The following PIK3C2G variants were observed in gnomAD, a reference collection of about 807,000 sequenced individuals.
The protein encoded by PIK3C2G is phosphatidylinositol-4-phosphate 3-kinase catalytic subunit type 2 gamma.
Under a neutral mutation model 181.1 loss-of-function variants are expected in PIK3C2G, and 168 were observed. The observed-to-expected ratio is 0.93, with a 90% confidence interval of 0.82 to 1.05. The LOEUF (loss-of-function observed/expected upper bound fraction) is 1.05. PIK3C2G is among the 50% of genes least tolerant of loss of function. The pLI is 0.00. For synonymous variants in PIK3C2G, 573 were observed against 592.2 expected (o/e 0.97, Z 0.47); for missense variants, 1,869 against 1,732.8 (o/e 1.08, Z -1.40).
intron 29 of PIK3C2G, among the ~76,000 whole-genome samples, chr12:18,568,748 A>C (rs2136362260): frequency 6.6e-6 from 1 of 152,344 alleles, no homozygotes; most frequent in South Asian, 2.1e-4. Context: ...ACTGTGACCC[A>C]GCCAAGTTGA....
chr12:18,675,907 T>C, the PIK3C2G span, among the ~76,000 whole-genome samples: 1 of 152,182 alleles, frequency 6.6e-6, no homozygotes, highest in East Asian at 1.9e-4. Context: ...TTTTACTTTT[T>C]GGGTACAATG....
intron 24 of PIK3C2G, among the ~76,000 whole-genome samples, chr12:18,509,890 A>C (rs367859061): frequency 6.6e-6 from 1 of 152,202 alleles, no homozygotes. Flanking sequence ...AAATTTGGCT[A>C]ATCTTTATAA....
chr12:18,566,994 A>G lies in PIK3C2G; in HGVS notation c.3948A>G (p.Arg1316=). ...TACCTTTTACAAATTCAGATCACAG[A>G]AGATTCAGAGATCTAAATCATTACA... is the stretch of plus-strand genomic sequence containing the variant. The part of the protein sequence containing the change: ...WHLPFTNSDH[R]RFRDLNHYME... The change falls in exon 29 of 33, where the codon AGA becomes AGG. Residue 1316 remains arginine, a synonymous_variant. Transcript: ENST00000538779. 1 of 1,600,768 alleles carries G rather than the reference A, an allele frequency of 6.2e-7. No individual in the cohort carries two copies. Among genetic ancestry groups the G allele is most frequent in the Non-Finnish European group, 8.6e-7 (1 of 1,168,474 alleles).
At chr12:18,658,656 G>C in the PIK3C2G span, among the ~76,000 whole-genome samples, 6 of 152,150 alleles carry the variant, frequency 3.9e-5, no homozygotes, top group African/African-American at 1.4e-4. Context: ...TAAAGTACCA[G>C]TTTTACATAT....
chr12:18,261,081 C>T (rs1303999136), upstream of PIK3C2G, among the ~76,000 whole-genome samples: 1 of 152,036 alleles, frequency 6.6e-6, no homozygotes, highest in African/African-American at 2.4e-5. Flanking sequence ...GAAAATACCT[C>T]GATAGGTGAA....
chr12:18,279,489 C>G (rs1565546953), intron 1 of PIK3C2G, among the ~76,000 whole-genome samples: 1 of 151,840 alleles, frequency 6.6e-6, no homozygotes, highest in Non-Finnish European at 1.5e-5. Context: ...TAAAAAAACT[C>G]AAGGTTTTGA....
At chr12:18,497,889 T>A (rs1280072338) in intron 22 of PIK3C2G, 141 bp downstream of exon 22, 2 of 507,562 alleles carry the variant, frequency 3.9e-6, no homozygotes, top group East Asian at 3.4e-5. Context: ...CTTCTTTTTT[T>A]AAAGAATTAT....
At chr12:18,561,719 C>T (rs1364862314) in intron 26 of PIK3C2G, among the ~76,000 whole-genome samples, 1 of 151,462 alleles carries the variant, frequency 6.6e-6, no homozygotes, top group Non-Finnish European at 1.5e-5. Context: ...TAAATTATTA[C>T]ACCATTAGAA....
At chr12:18,251,433 A>G (rs1197762747) in intron 1 of PIK3C2G, among the ~76,000 whole-genome samples, 1 of 151,976 alleles carries the variant, frequency 6.6e-6, no homozygotes, top group East Asian at 1.9e-4. Flanking sequence ...ATGCATCTCT[A>G]GTAAAACTCT....
chr12:18,411,846 G>A (rs1170974643), intron 16 of PIK3C2G, among the ~76,000 whole-genome samples: 1 of 151,864 alleles, frequency 6.6e-6, no homozygotes, highest in Non-Finnish European at 1.5e-5. Context: ...TTGTTACATC[G>A]CATTTGGCTT....
the PIK3C2G span, among the ~76,000 whole-genome samples, chr12:18,704,970 T>G: frequency 2.0e-5 from 3 of 152,112 alleles, no homozygotes; most frequent in African/African-American, 7.2e-5. Flanking sequence ...TATATATATA[T>G]AAATTTTAAT....
At position 18,465,722 on chromosome 12, in the gene PIK3C2G, G is replaced by C. The variant is rs147021201; in HGVS notation, c.2505-22727G>C. ...TTCTGGCCATTTTTAAGACTTCTTTGTGTCTAGATGTGTTTGAATGTCAAC... is the reference window on the plus strand; with the variant it reads ...TTCTGGCCATTTTTAAGACTTCTTTCTGTCTAGATGTGTTTGAATGTCAAC... On this transcript the variant is annotated intron_variant, in intron 18 of 32. Coordinates refer to ENST00000538779, the MANE Select transcript of PIK3C2G (RefSeq NM_001288772.2). Among the ~76,000 whole-genome samples, 27 of 151,810 alleles carry C rather than the reference G, an allele frequency of 1.8e-4. No homozygotes were observed. The East Asian group carries it at 4.6e-3, about 26-fold the overall frequency.
At chr12:18,322,579 C>A (rs918703907) in intron 7 of PIK3C2G, among the ~76,000 whole-genome samples, 5 of 151,972 alleles carry the variant, frequency 3.3e-5, no homozygotes, top group African/African-American at 1.2e-4. Context: ...TGTTTCAAAA[C>A]TAAAGAAACT....
intron 1 of PIK3C2G, among the ~76,000 whole-genome samples, chr12:18,255,672 C>A (rs750686465): frequency 6.6e-6 from 1 of 152,128 alleles, no homozygotes; most frequent in Non-Finnish European, 1.5e-5. Flanking sequence ...CTGACTGCAA[C>A]CAGTAAGGTG....
the PIK3C2G span, among the ~76,000 whole-genome samples, chr12:18,703,444 T>TGTAATACA: frequency 6.6e-6 from 1 of 152,238 alleles, no homozygotes; most frequent in African/African-American, 2.4e-5. Flanking sequence ...AACTTAGTCA[T>TGTAATACA]GTAATACAGC....
chr12:18,500,240 GCGGCCGGCCGGCCCTGC>G (rs1387808813), intron 22 of PIK3C2G, among the ~76,000 whole-genome samples: 33 of 151,974 alleles, frequency 2.2e-4, no homozygotes, highest in African/African-American at 7.5e-4. Flanking sequence ...CGCACTCGGA[GCGGCCGGCCGGCCCTGC>G]CGGCCCGGGC....
intron 15 of PIK3C2G, among the ~76,000 whole-genome samples, chr12:18,396,158 T>C (rs1006234543): frequency 2.6e-5 from 4 of 151,672 alleles, no homozygotes; most frequent in African/African-American, 9.7e-5. Context: ...GGAACATGTA[T>C]ATAAGCAATT....
chr12:18,377,812 C>T (rs536625988), intron 13 of PIK3C2G, among the ~76,000 whole-genome samples: 3 of 152,098 alleles, frequency 2.0e-5, no homozygotes, highest in Non-Finnish European at 4.4e-5. Context: ...TTATATATGG[C>T]TTTAAGTTAT....
downstream of PIK3C2G, among the ~76,000 whole-genome samples, chr12:18,650,369 G>C (rs1380858271): frequency 4.6e-4 from 61 of 133,872 alleles, no homozygotes; most frequent in Middle Eastern, 4.1e-3. Flanking sequence ...GTGTGTGTGT[G>C]TGTGTGTCTG....
Sources: gnomAD v4.1 joint callset for allele counts (sites outside exome capture counted in the v4.1 genomes callset) on GRCh38, gnomAD v4.1.1 for gene constraint, MANE v1.5 for transcripts, NCBI Gene and HGNC (gene_info 2026-07-23, HGNC 2026-07-21) for gene names.